APP: variants seen among roughly 807,000 people sequenced by gnomAD.
APP encodes the protein amyloid beta precursor protein.
APP carries 31 observed loss-of-function variants against 101.4 expected under a neutral mutation model. The ratio of observed to expected loss-of-function variants is 0.31; its 90% CI spans 0.23 to 0.41. The LOEUF (loss-of-function observed/expected upper bound fraction) is 0.41, where lower values mean the gene tolerates loss of function less well. APP is among the 10% of genes least tolerant of loss of function. The pLI, the probability that APP is intolerant of heterozygous loss-of-function variation, is 1.00. For missense variants in APP, 839 were observed against 1,003.7 expected (o/e 0.84, Z 2.22); for synonymous variants, 366 against 364.4 (o/e 1.00, Z -0.05).
rs112586817 is a variant in APP at position 25,955,437 on chromosome 21, T to A, written c.1587+190A>T. Among the ~76,000 whole-genome samples, 1,266 of 152,330 alleles carry A rather than the reference T, an allele frequency of 8.3e-3. 20 individuals are homozygous for A. Among genetic ancestry groups the A allele is most frequent in the African/African-American group, 0.029 (1,211 of 41,582 alleles). ...AAGATTTTTACATTTGTTATTTTCA[T>A]AACTCAGAAAATGCCAAACCACATA... On this transcript the variant is annotated intron_variant, in intron 12 of 17. Coordinates refer to ENST00000346798, the MANE Select transcript of APP (RefSeq NM_000484.4).
intron 1 of APP, among the ~76,000 whole-genome samples, chr21:26,155,044 A>T (rs1283375557): frequency 1.3e-5 from 2 of 152,210 alleles, no homozygotes; most frequent in Admixed American, 1.3e-4. Flanking sequence ...TGAGGTCAGG[A>T]GTTCAAGACC....
chr21:26,104,976 T>TA (rs1233462196), intron 2 of APP, among the ~76,000 whole-genome samples: 1 of 131,152 alleles, frequency 7.6e-6, no homozygotes. Context: ...GAACGCAAAG[T>TA]AAAAAATTCA....
At chr21:26,060,389 G>T (rs2046224577) in intron 3 of APP, among the ~76,000 whole-genome samples, 1 of 152,210 alleles carries the variant, frequency 6.6e-6, no homozygotes, top group South Asian at 2.1e-4. Flanking sequence ...TGCACCGAGT[G>T]CTGGTCCTGG....
chr21:26,029,257 G>A (rs1019436923), intron 5 of APP, among the ~76,000 whole-genome samples: 8 of 152,158 alleles, frequency 5.3e-5, no homozygotes, highest in Admixed American at 1.3e-4. Flanking sequence ...TGGCTGCTGG[G>A]CACAGAATGG....
At chr21:26,049,342 C>A (rs1163900300) in intron 5 of APP, among the ~76,000 whole-genome samples, 3 of 152,096 alleles carry the variant, frequency 2.0e-5, no homozygotes, top group Non-Finnish European at 4.4e-5. Context: ...TCAACAAACA[C>A]GTACTGGGCA....
intron 2 of APP, among the ~76,000 whole-genome samples, chr21:26,104,988 C>T (rs768398462): frequency 1.3e-5 from 2 of 150,506 alleles, no homozygotes; most frequent in Non-Finnish European, 2.9e-5. Context: ...AAAAATTCAT[C>T]CACCACTATT....
intron 3 of APP, among the ~76,000 whole-genome samples, chr21:26,054,844 C>T (rs1222421559): frequency 1.3e-5 from 2 of 151,724 alleles, no homozygotes; most frequent in Non-Finnish European, 2.9e-5. Flanking sequence ...TTTCATAGTA[C>T]GCTATAGGGC....
At chr21:26,105,068 CAAAAAAAAAAAA>C (rs10579923) in intron 2 of APP, among the ~76,000 whole-genome samples, 2 of 110,500 alleles carry the variant, frequency 1.8e-5, no homozygotes, top group South Asian at 2.9e-4. Context: ...GCATTTTTTT[CAAAAAAAAAAAA>C]AAAAAAAAAG....
chr21:26,100,869 A>G (rs2062038965), intron 2 of APP, among the ~76,000 whole-genome samples: 1 of 152,200 alleles, frequency 6.6e-6, no homozygotes, highest in Admixed American at 6.5e-5. Context: ...GAGATGATAA[A>G]GCCACGTTCA....
intron 3 of APP, among the ~76,000 whole-genome samples, chr21:26,079,940 A>G (rs1013279483): frequency 2.0e-5 from 3 of 152,158 alleles, no homozygotes; most frequent in Admixed American, 6.5e-5. Context: ...CCTGGCCAAC[A>G]TGGTGAAACC....
chr21:26,140,584 C>T, intron 1 of APP: 1 of 194,772 alleles, frequency 5.1e-6, no homozygotes. Context: ...TGGTTTAATC[C>T]CTTCTCTAAA....
At chr21:25,939,440 C>A (rs2829990) in intron 13 of APP, among the ~76,000 whole-genome samples, 2,105 of 152,212 alleles carry the variant, frequency 0.014, 47 homozygotes, top group African/African-American at 0.048. Flanking sequence ...TCATCCTATA[C>A]CTAAAGGATC....
chr21:26,072,556 T>C, intron 3 of APP, among the ~76,000 whole-genome samples: 1 of 152,220 alleles, frequency 6.6e-6, no homozygotes, highest in East Asian at 1.9e-4. Flanking sequence ...TTTAAATTGT[T>C]AAAAATGAAT....
intron 1 of APP, among the ~76,000 whole-genome samples, chr21:26,122,500 T>C (rs2062596227): frequency 1.3e-5 from 2 of 152,164 alleles, no homozygotes; most frequent in African/African-American, 4.8e-5. Flanking sequence ...GGAGGCCAGC[T>C]AAACTCTCTA....
At chr21:25,910,252 C>T (rs560649716) in intron 14 of APP, among the ~76,000 whole-genome samples, 345 of 152,168 alleles carry the variant, frequency 2.3e-3, no homozygotes, top group African/African-American at 7.9e-3. Flanking sequence ...CTCAGCCTCC[C>T]GAGTAGCTGG....
chr21:26,118,015 T>C (rs1226434323), intron 1 of APP, among the ~76,000 whole-genome samples: 1 of 152,220 alleles, frequency 6.6e-6, no homozygotes, highest in African/African-American at 2.4e-5. Flanking sequence ...CCTCTGTTGA[T>C]ATTAGATTGG....
chr21:26,034,256 C>T (rs1391268561), intron 5 of APP, among the ~76,000 whole-genome samples: 1 of 152,190 alleles, frequency 6.6e-6, no homozygotes, highest in Non-Finnish European at 1.5e-5. Context: ...CCCTCTCTCT[C>T]CCTGCAAGCA....
intron 1 of APP, chr21:26,140,383 T>G: frequency 6.8e-7 from 1 of 1,465,848 alleles, no homozygotes; most frequent in Middle Eastern, 1.8e-4. Context: ...AGCAAGGCTG[T>G]GCTATTTAGG....
intron 17 of APP, among the ~76,000 whole-genome samples, chr21:25,889,304 A>G (rs891030691): frequency 6.6e-6 from 1 of 152,198 alleles, no homozygotes; most frequent in Non-Finnish European, 1.5e-5. Context: ...TCATGTGAAG[A>G]TACAGGGAGC....
Sources: allele counts gnomAD v4.1 joint callset (sites outside exome capture counted in the v4.1 genomes callset), GRCh38; gene constraint gnomAD v4.1.1; transcripts MANE v1.5; gene names NCBI Gene and HGNC (gene_info 2026-07-23, HGNC 2026-07-21).